Variants in FMC1 observed in about 807,000 individuals in gnomAD.
FMC1 encodes the protein protein FMC1 homolog.
A neutral mutation model predicts 10.5 loss-of-function variants in FMC1; 6 were observed. The ratio of observed to expected loss-of-function variants is 0.57; its 90% CI spans 0.31 to 1.12. The LOEUF (loss-of-function observed/expected upper bound fraction) is 1.12. Ranked by LOEUF, FMC1 falls within the 50% of genes most tolerant of loss-of-function variation. The pLI is 0.05. For synonymous variants in FMC1, 59 were observed against 62.1 expected (o/e 0.95, Z 0.24); for missense variants, 146 against 151.7 (o/e 0.96, Z 0.20).
Position 139,344,766 on chromosome 7 carries a change from G to C in FMC1, c.139-735G>C, listed in dbSNP as rs566350195. On this transcript the variant is annotated intron_variant, in intron 1 of 1. Coordinates refer to ENST00000297534, the MANE Select transcript of FMC1 (RefSeq NM_197964.5). ...TACCCAGACTGGAGTGCAGTGGCCC[G>C]ATCTTGGCTCACTGCAAGCTCCGCC... The C allele has an allele frequency of 6.5e-5, 9 of 137,894 alleles. No homozygotes were observed. The South Asian group carries it at 2.1e-3, about 32-fold the overall frequency. 8.5% of individuals were successfully genotyped at this position (137,894 alleles called of 1,614,324 possible). A position where few individuals can be genotyped will look rare whatever the true frequency, so the allele number is the denominator to read the frequency against.
At position 139,341,427 on chromosome 7, in the gene FMC1, C is replaced by A; in HGVS notation, c.43C>A (p.Leu15Met). 3 of 1,613,602 alleles carry A rather than the reference C, an allele frequency of 1.9e-6. No individual in the cohort carries two copies. The highest frequency in any genetic ancestry group is 2.5e-6 in the Non-Finnish European group (3 of 1,180,002). Residue 15 changes from leucine to methionine, a missense_variant, in exon 1 of 2, where the codon CTG becomes ATG. Coordinates refer to ENST00000297534, the MANE Select transcript of FMC1 (RefSeq NM_197964.5). The stretch of plus-strand genomic sequence containing the variant: ...CCCGTCGCACACTTTTCGAGGACTT[C>A]TGCGGGAGTTGCGCTACCTGAGCGC... The part of the protein sequence containing the change: ...GSPSHTFRGL[L>M]RELRYLSAAT...
chr7:139,341,584 C>G (rs1218663119), intron 1 of FMC1, 62 bp downstream of exon 1: 17 of 1,581,398 alleles, frequency 1.1e-5, no homozygotes, highest in Non-Finnish European at 1.5e-5. Flanking sequence ...CGGGTCTGGG[C>G]TAGGGTGGGG....
At chr7:139,342,557 G>A (rs1799038078) in intron 1 of FMC1, among the ~76,000 whole-genome samples, 1 of 152,118 alleles carries the variant, frequency 6.6e-6, no homozygotes, top group Admixed American at 6.5e-5. Flanking sequence ...TCACCTCCCA[G>A]GTTCAAGCGA....
chr7:139,341,656 C>A, intron 1 of FMC1, 134 bp downstream of exon 1: 2 of 1,404,702 alleles, frequency 1.4e-6, no homozygotes, highest in East Asian at 5.3e-5. Flanking sequence ...TGGTTCTGAC[C>A]AAACCAACCC....
Position 139,341,375 on chromosome 7 carries a change from G to A in FMC1, c.-10G>A, listed in dbSNP as rs1435972561. ...GCCGTTGGGCACCACGCTCGGAGAA[G>A]GACAGGACAATGGCGGCCTTAGGGT... On this transcript the variant is annotated 5_prime_UTR_variant, in exon 1 of 2. Transcript: ENST00000297534. 1.9e-6 allele frequency: 3 copies of A among 1,610,806 alleles called. No individual in the cohort carries two copies. In the African/African-American group the frequency reaches 4.0e-5, roughly 21 times the overall value.
In FMC1 at chr7:139,341,717, G is replaced by C. The variant is rs552649389; in HGVS notation, c.138+195G>C. On this transcript the variant is annotated intron_variant, in intron 1 of 1. Coordinates refer to ENST00000297534, the MANE Select transcript of FMC1 (RefSeq NM_197964.5). ...TAAACTCGGGGACCAAAGGACCAGC[G>C]GGGGGGGGCGCAGAGTCGCTCTGGG... Among the ~76,000 whole-genome samples, 11 of 140,730 alleles carry C rather than the reference G, an allele frequency of 7.8e-5. No homozygotes were observed. The East Asian group carries it at 2.0e-3, about 26-fold the overall frequency. 92.3% of individuals were successfully genotyped at this position (140,730 alleles called of 152,430 possible).
intron 1 of FMC1, among the ~76,000 whole-genome samples, chr7:139,342,012 C>T (rs1009345800): frequency 6.6e-6 from 1 of 152,164 alleles, no homozygotes; most frequent in Non-Finnish European, 1.5e-5. Flanking sequence ...GGGAAGGAAA[C>T]TTGCTGCCCT....
At chr7:139,344,297 C>G (rs1044902189) in intron 1 of FMC1, among the ~76,000 whole-genome samples, 2 of 152,264 alleles carry the variant, frequency 1.3e-5, no homozygotes. Flanking sequence ...CCCCCACCCC[C>G]ACTCAGGAAT....
At chr7:139,344,733 CCTT>C (rs1406026761) in intron 1 of FMC1, among the ~76,000 whole-genome samples, 3 of 124,356 alleles carry the variant, frequency 2.4e-5, no homozygotes, top group African/African-American at 6.4e-5. Flanking sequence ...GATGGAGTCT[CCTT>C]CTGTTACCCA....
At chr7:139,340,790 T>G (rs906468496), upstream of FMC1, among the ~76,000 whole-genome samples, 2 of 135,214 alleles carry the variant, frequency 1.5e-5, no homozygotes, top group East Asian at 4.3e-4. Context: ...ACTTTTGTCC[T>G]TTTTTCCCCT....
At chr7:139,345,115 C>G (rs1363832247) in intron 1 of FMC1, 1 of 168,680 alleles carries the variant, frequency 5.9e-6, no homozygotes, top group Non-Finnish European at 1.3e-5. Flanking sequence ...GGAGAAAGTT[C>G]TACATAATAT....
At chr7:139,345,352 A>C (rs1295103178) in intron 1 of FMC1, 149 bp from the exon 2 acceptor site, 1 of 1,257,282 alleles carries the variant, frequency 8.0e-7, no homozygotes, top group South Asian at 1.6e-5. Context: ...GCCTCTATAG[A>C]TGTATTAAGT....
At chr7:139,341,262 C>A, upstream of FMC1, 2 of 1,461,584 alleles carry the variant, frequency 1.4e-6, no homozygotes, top group Non-Finnish European at 1.8e-6. Flanking sequence ...GGTTCCACTG[C>A]TCGTCAGTCG....
chr7:139,343,111 C>T (rs148624470), intron 1 of FMC1, among the ~76,000 whole-genome samples: 2 of 152,222 alleles, frequency 1.3e-5, no homozygotes, highest in African/African-American at 4.8e-5. Context: ...CCCTTTTGTC[C>T]TCATGATTCA....
chr7:139,341,616 A>C, intron 1 of FMC1, 94 bp downstream of exon 1: 8 of 1,519,232 alleles, frequency 5.3e-6, no homozygotes, highest in Non-Finnish European at 7.1e-6. Flanking sequence ...TAATTCCTGC[A>C]TTTCTGAGGC....
At chr7:139,340,496 G>A, upstream of FMC1, 2 of 398,558 alleles carry the variant, frequency 5.0e-6, no homozygotes, top group Middle Eastern at 6.3e-4. Flanking sequence ...TCAACGTCCG[G>A]AGCATCGGTG....
chr7:139,341,407 C>T lies in FMC1; in HGVS notation c.23C>T (p.Ser8Leu). The T allele has an allele frequency of 6.2e-7, 1 of 1,613,334 alleles. No homozygotes were observed. Among genetic ancestry groups the T allele is most frequent in the Non-Finnish European group, 8.5e-7 (1 of 1,179,916 alleles). The change falls in exon 1 of 2, where the codon TCG becomes TTG. Residue 8 changes from serine to leucine, a missense_variant. By Grantham distance (145) the Ser-to-Leu change is moderately radical. Transcript: ENST00000297534. The stretch of plus-strand genomic sequence containing the variant: ...ACAATGGCGGCCTTAGGGTCCCCGT[C>T]GCACACTTTTCGAGGACTTCTGCGG... MAALGSP[S>L]HTFRGLLREL...
chr7:139,340,633 G>C (rs988664792), upstream of FMC1: 7 of 396,780 alleles, frequency 1.8e-5, no homozygotes, highest in Non-Finnish European at 3.1e-5. Flanking sequence ...AGGCGAAAAT[G>C]AAGTGACGAT....
chr7:139,341,154 G>C, upstream of FMC1: 1 of 583,000 alleles, frequency 1.7e-6, no homozygotes, highest in East Asian at 3.5e-5. Flanking sequence ...CTGGGTTAGA[G>C]GTCCTGGTAC....
Sources: allele counts gnomAD v4.1 joint callset (sites outside exome capture counted in the v4.1 genomes callset), GRCh38; gene constraint gnomAD v4.1.1; transcripts MANE v1.5; gene names NCBI Gene and HGNC (gene_info 2026-07-23, HGNC 2026-07-21).